The following ANKS1B variants were observed in gnomAD, a reference collection of about 807,000 sequenced individuals.
ANKS1B encodes ankyrin repeat and sterile alpha motif domain containing 1B.
Under a neutral mutation model 148.3 loss-of-function variants are expected in ANKS1B, and 36 were observed. The ratio of observed to expected loss-of-function variants is 0.24; its 90% CI spans 0.19 to 0.32. ANKS1B has a LOEUF of 0.32. ANKS1B is among the 10% of genes least tolerant of loss of function. The pLI is 1.00. For missense variants in ANKS1B, 1,157 were observed against 1,542.6 expected (o/e 0.75, Z 4.19); for synonymous variants, 542 against 560.8 (o/e 0.97, Z 0.47).
chr12:99,220,687 T>C (rs181742888), intron 14 of ANKS1B, among the ~76,000 whole-genome samples: 2,022 of 152,024 alleles, frequency 0.013, 38 homozygotes, highest in African/African-American at 0.047. Flanking sequence ...GACCTTGTGA[T>C]CCGCCTGCCT....
At chr12:99,206,053 A>C (rs1398236459) in intron 14 of ANKS1B, among the ~76,000 whole-genome samples, 1 of 152,188 alleles carries the variant, frequency 6.6e-6, no homozygotes, top group East Asian at 1.9e-4. Flanking sequence ...CCACCACCAA[A>C]AGATAAGACT....
At chr12:99,832,368 AC>A (rs1382148941) in intron 1 of ANKS1B, among the ~76,000 whole-genome samples, 1 of 152,034 alleles carries the variant, frequency 6.6e-6, no homozygotes, top group Admixed American at 6.6e-5. Flanking sequence ...CGGGCGGATC[AC>A]CTGAGGTCAG....
At chr12:98,876,503 C>T (rs975162372) in intron 17 of ANKS1B, among the ~76,000 whole-genome samples, 1 of 152,206 alleles carries the variant, frequency 6.6e-6, no homozygotes, top group African/African-American at 2.4e-5. Flanking sequence ...ATGCTTGCTC[C>T]TGTCCCACGT....
chr12:99,738,269 A>C (rs1398529678), intron 8 of ANKS1B, among the ~76,000 whole-genome samples: 1 of 152,126 alleles, frequency 6.6e-6, no homozygotes, highest in Non-Finnish European at 1.5e-5. Flanking sequence ...TTCAGTACTT[A>C]TTTTATTATT....
chr12:99,675,708 A>C (rs2098560985), intron 8 of ANKS1B, among the ~76,000 whole-genome samples: 1 of 151,926 alleles, frequency 6.6e-6, no homozygotes, highest in Admixed American at 6.6e-5. Context: ...TTTTTACTCA[A>C]GGATATTTAT....
At position 99,286,673 on chromosome 12, in the gene ANKS1B, T is replaced by C. The variant is rs12311844; in HGVS notation, c.1757-39809A>G. ...ATCCATCCTGGGCCAGAGTGAAGAC[T>C]ACTGTTCCGAAGGGAGAGATCCAGG... On this transcript the variant is annotated intron_variant, in intron 12 of 26. Coordinates refer to ENST00000683438, the MANE Select transcript of ANKS1B (RefSeq NM_001352186.2). 5.9e-3 allele frequency among the ~76,000 whole-genome samples: 899 copies of C among 152,252 alleles called. 12 individuals are homozygous for C. Among genetic ancestry groups the C allele is most frequent in the African/African-American group, 0.021 (855 of 41,538 alleles).
chr12:99,137,603 C>T (rs1437501694), intron 15 of ANKS1B, among the ~76,000 whole-genome samples: 1 of 152,104 alleles, frequency 6.6e-6, no homozygotes, highest in Non-Finnish European at 1.5e-5. Flanking sequence ...ACTTTTGCAT[C>T]GCCTGGCCCC....
intron 11 of ANKS1B, among the ~76,000 whole-genome samples, chr12:99,403,152 C>CTTTTTTTTTTTTTTT (rs143800860): frequency 1.4e-5 from 1 of 73,150 alleles, no homozygotes. Context: ...ACTTTTCTTT[C>CTTTTTTTTTTTTTTT]TTTTTTTTTT....
At chr12:98,994,052 G>C (rs1241732397) in intron 17 of ANKS1B, among the ~76,000 whole-genome samples, 2 of 152,054 alleles carry the variant, frequency 1.3e-5, no homozygotes, top group Non-Finnish European at 2.9e-5. Context: ...CAATGTTCCT[G>C]TTTTTAAAGT....
At chr12:99,428,115 A>G (rs1198338137) in intron 11 of ANKS1B, among the ~76,000 whole-genome samples, 1 of 152,188 alleles carries the variant, frequency 6.6e-6, no homozygotes. Context: ...CTCTCCTCAC[A>G]TGGGAAGGAG....
intron 9 of ANKS1B, among the ~76,000 whole-genome samples, chr12:99,588,507 C>G (rs1452540399): frequency 6.6e-6 from 1 of 151,874 alleles, no homozygotes; most frequent in Non-Finnish European, 1.5e-5. Flanking sequence ...ACTTCCACCT[C>G]CCGGGTTCAT....
chr12:98,968,630 T>A (rs17460772), intron 17 of ANKS1B, among the ~76,000 whole-genome samples: 1 of 152,040 alleles, frequency 6.6e-6, no homozygotes, highest in African/African-American at 2.4e-5. Context: ...ACCCTTCACC[T>A]TTCTCTCTCC....
At chr12:99,901,776 A>G (rs1202199551) in intron 1 of ANKS1B, among the ~76,000 whole-genome samples, 2 of 151,902 alleles carry the variant, frequency 1.3e-5, no homozygotes, top group African/African-American at 4.8e-5. Context: ...CTAACACAAC[A>G]TTCCCTTCTT....
At chr12:99,354,087 C>G (rs780927333) in intron 12 of ANKS1B, among the ~76,000 whole-genome samples, 8 of 152,030 alleles carry the variant, frequency 5.3e-5, no homozygotes, top group Non-Finnish European at 1.0e-4. Flanking sequence ...ATCTTATGAA[C>G]TAACTGGTAA....
intron 12 of ANKS1B, among the ~76,000 whole-genome samples, chr12:99,380,736 G>T (rs923661605): frequency 6.8e-5 from 10 of 147,814 alleles, no homozygotes; most frequent in Non-Finnish European, 9.0e-5. Flanking sequence ...ATTAATTCTT[G>T]TTGATCAGTT....
intron 17 of ANKS1B, among the ~76,000 whole-genome samples, chr12:98,839,719 A>T (rs935011417): frequency 7.9e-5 from 12 of 152,128 alleles, no homozygotes; most frequent in African/African-American, 2.9e-4. Flanking sequence ...TCTTTGCTCC[A>T]TGTATACACA....
rs183508954 is a variant in ANKS1B, at chr12:98,926,404, C to T, written c.2779-94268G>A. 1.5e-3 allele frequency among the ~76,000 whole-genome samples: 231 copies of T among 152,220 alleles called. 4 individuals carry two copies. The highest frequency in any genetic ancestry group is 6.8e-3 in the Middle Eastern group (2 of 294). The stretch of plus-strand genomic sequence containing the variant: ...AATAATAAAGGGCATCAACAACAGA[C>T]CTTAGAGAGGAGGGAGGAATATGAA... On this transcript the variant is annotated intron_variant, in intron 17 of 26. Transcript: ENST00000683438.
intron 9 of ANKS1B, among the ~76,000 whole-genome samples, chr12:99,643,231 CATCAACTTAAACTCAAA>C (rs1243903004): frequency 6.6e-6 from 1 of 152,144 alleles, no homozygotes; most frequent in East Asian, 1.9e-4. Context: ...CATTACACAA[CATCAACTTAAACTCAAA>C]ATCTCAAAAA....
intron 14 of ANKS1B, among the ~76,000 whole-genome samples, chr12:99,211,374 G>C (rs2083324509): frequency 1.3e-5 from 2 of 152,134 alleles, no homozygotes; most frequent in Admixed American, 1.3e-4. Flanking sequence ...AGTTTTAGCT[G>C]GCAGGATTAG....
Sources: gnomAD v4.1 joint callset for allele counts (sites outside exome capture counted in the v4.1 genomes callset) on GRCh38, gnomAD v4.1.1 for gene constraint, MANE v1.5 for transcripts, NCBI Gene and HGNC (gene_info 2026-07-23, HGNC 2026-07-21) for gene names.